The following CEP63 variants were observed in gnomAD, a reference collection of about 807,000 sequenced individuals.
CEP63 encodes centrosomal protein 63, also known as centrosomal protein of 63 kDa.
A neutral mutation model predicts 89.1 loss-of-function variants in CEP63; 84 were observed. That is an observed-to-expected ratio of 0.94 (90% CI 0.79 to 1.13). CEP63 has a LOEUF of 1.13. CEP63 is among the 50% of genes most tolerant of loss of function. CEP63 has a pLI of 0.00. For synonymous variants in CEP63, 267 were observed against 272.5 expected (o/e 0.98, Z 0.20); for missense variants, 838 against 813.3 (o/e 1.03, Z -0.37).
the CEP63 span, among the ~76,000 whole-genome samples, chr3:134,614,806 C>T: frequency 2.6e-5 from 4 of 152,088 alleles, no homozygotes; most frequent in Non-Finnish European, 5.9e-5. Context: ...AGGCCAGGCC[C>T]CAACAGCTGT....
chr3:134,675,821 C>T, the CEP63 span, among the ~76,000 whole-genome samples: 1 of 152,162 alleles, frequency 6.6e-6, no homozygotes, highest in Non-Finnish European at 1.5e-5. Flanking sequence ...ATTAAAATCA[C>T]AATGAGGTAT....
At chr3:134,687,715 C>T in the CEP63 span, among the ~76,000 whole-genome samples, 1 of 152,168 alleles carries the variant, frequency 6.6e-6, no homozygotes, top group African/African-American at 2.4e-5. Flanking sequence ...TCTACAGACT[C>T]CACAGAGAGT....
At chr3:134,741,543 C>T in the CEP63 span, among the ~76,000 whole-genome samples, 1 of 152,200 alleles carries the variant, frequency 6.6e-6, no homozygotes, top group Non-Finnish European at 1.5e-5. Context: ...TCCAATTAAT[C>T]AGTGCCATGT....
the CEP63 span, among the ~76,000 whole-genome samples, chr3:134,632,557 T>C: frequency 1.3e-4 from 19 of 151,956 alleles, no homozygotes; most frequent in Admixed American, 1.2e-3. Context: ...TTTGAACTCA[T>C]TGAAAATGAA....
At chr3:134,648,273 G>A in the CEP63 span, among the ~76,000 whole-genome samples, 1 of 152,154 alleles carries the variant, frequency 6.6e-6, no homozygotes, top group African/African-American at 2.4e-5. Flanking sequence ...TGGAAGCTCA[G>A]CCTTGAGTCT....
chr3:134,670,690 A>G, the CEP63 span, among the ~76,000 whole-genome samples: 1 of 152,240 alleles, frequency 6.6e-6, no homozygotes, highest in Non-Finnish European at 1.5e-5. Context: ...GATAAAACTG[A>G]AAAGTGTATA....
intron 1 of CEP63, chr3:134,486,685 T>G (rs1377012342): frequency 3.1e-6 from 1 of 318,294 alleles, no homozygotes; most frequent in Non-Finnish European, 4.5e-6. Flanking sequence ...ACTACTTCAT[T>G]CACGGCACAA....
chr3:134,772,219 T>C, the CEP63 span, among the ~76,000 whole-genome samples: 1 of 152,154 alleles, frequency 6.6e-6, no homozygotes, highest in Admixed American at 6.5e-5. Flanking sequence ...CTTCTTTTCA[T>C]GCCAGGAGAG....
At chr3:134,582,534 A>G (rs1253799554) in intron 10 of CEP63, among the ~76,000 whole-genome samples, 1 of 152,194 alleles carries the variant, frequency 6.6e-6, no homozygotes, top group Non-Finnish European at 1.5e-5. Flanking sequence ...GCTGCATAGT[A>G]TTCCATGGTG....
At chr3:134,709,736 G>A in the CEP63 span, among the ~76,000 whole-genome samples, 6 of 152,196 alleles carry the variant, frequency 3.9e-5, no homozygotes, top group Non-Finnish European at 8.8e-5. Flanking sequence ...CATTTATAGA[G>A]ACAGTCTGGA....
chr3:134,529,583 C>T lies in CEP63; in HGVS notation c.223-2262C>T, dbSNP rs181081738. Among the ~76,000 whole-genome samples, 322 of 152,232 alleles carry T rather than the reference C, an allele frequency of 2.1e-3. 2 individuals carry two copies. Among genetic ancestry groups the T allele is most frequent in the Non-Finnish European group, 3.7e-3 (253 of 68,012 alleles). ...CTCAAACTCCTGAACTCAAGTGATC[C>T]GCCTGCCTTGGCCTCCCAAAGTGCT... On this transcript the variant is annotated intron_variant, in intron 3 of 14. Coordinates refer to ENST00000675561, the MANE Select transcript of CEP63 (RefSeq NM_001353108.3).
intron 3 of CEP63, among the ~76,000 whole-genome samples, chr3:134,509,891 C>T (rs1038266751): frequency 2.0e-5 from 3 of 152,056 alleles, no homozygotes; most frequent in African/African-American, 7.2e-5. Context: ...TAGGGAGCAA[C>T]CTTAAACATT....
chr3:134,782,037 C>A, the CEP63 span, among the ~76,000 whole-genome samples: 4 of 152,148 alleles, frequency 2.6e-5, no homozygotes, highest in Non-Finnish European at 4.4e-5. Flanking sequence ...TGGATAGAAA[C>A]CATGTCTCAA....
At chr3:134,495,439 T>C in intron 2 of CEP63, 75 bp downstream of exon 2, 1 of 901,496 alleles carries the variant, frequency 1.1e-6, no homozygotes, top group Non-Finnish European at 1.9e-6. Context: ...ACATGATACT[T>C]TGATACATAC....
chr3:134,533,498 C>T (rs1277156783), intron 5 of CEP63, among the ~76,000 whole-genome samples: 1 of 152,186 alleles, frequency 6.6e-6, no homozygotes, highest in Non-Finnish European at 1.5e-5. Context: ...TCTCTGCTGA[C>T]TTTGTTTTTA....
At chr3:134,547,829 G>A (rs1282378308) in intron 9 of CEP63, among the ~76,000 whole-genome samples, 1 of 151,848 alleles carries the variant, frequency 6.6e-6, no homozygotes, top group Non-Finnish European at 1.5e-5. Context: ...GGCTGGTCTT[G>A]AACTCCTGAC....
chr3:134,682,074 G>A, the CEP63 span, among the ~76,000 whole-genome samples: 2 of 152,190 alleles, frequency 1.3e-5, no homozygotes, highest in Non-Finnish European at 2.9e-5. Flanking sequence ...CAGAGGGTGA[G>A]TTTTCTGAGT....
intron 6 of CEP63, among the ~76,000 whole-genome samples, chr3:134,542,426 A>G (rs1425940231): frequency 6.6e-6 from 1 of 152,186 alleles, no homozygotes; most frequent in East Asian, 1.9e-4. Context: ...GAATCTTACT[A>G]GGAGCTGTGT....
intron 1 of CEP63, among the ~76,000 whole-genome samples, chr3:134,492,333 A>C (rs1043055255): frequency 6.6e-6 from 1 of 152,150 alleles, no homozygotes; most frequent in Non-Finnish European, 1.5e-5. Context: ...GAAGAAATCA[A>C]AGTGACATAG....
Sources: gnomAD v4.1 joint callset for allele counts (sites outside exome capture counted in the v4.1 genomes callset) on GRCh38, gnomAD v4.1.1 for gene constraint, MANE v1.5 for transcripts, NCBI Gene and HGNC (gene_info 2026-07-23, HGNC 2026-07-21) for gene names.